Variants in ZEB1 observed in about 807,000 individuals in gnomAD.
ZEB1 encodes the protein zinc finger E-box-binding homeobox 1.
In ZEB1, 21 loss-of-function variants were observed where a neutral mutation model predicts 84.9. The ratio of observed to expected loss-of-function variants is 0.25; its 90% confidence interval spans 0.18 to 0.36. The LOEUF is 0.36. ZEB1 is among the 10% of genes least tolerant of loss of function. The pLI, the probability that ZEB1 is intolerant of heterozygous loss-of-function variation, is 1.00. For synonymous variants in ZEB1, 420 were observed against 471.1 expected, an observed-to-expected ratio of 0.89 and a Z score of 1.41; for missense variants, 1,104 against 1,330.2, an observed-to-expected ratio of 0.83 and a Z score of 2.65.
chr10:31,385,277 T>C (rs1009244404), intron 1 of ZEB1, among the ~76,000 whole-genome samples: 1 of 152,188 alleles, frequency 6.6e-6, no homozygotes, highest in Non-Finnish European at 1.5e-5. Flanking sequence ...CAAATGGTAT[T>C]TTATACTCTG....
At position 31,465,305 on chromosome 10, in the gene ZEB1, GT is replaced by G. The variant is rs1483056414; in HGVS notation, c.259+4069del. ...TAACACAGAATGTGGGAGGGGAGAG[GT>G]AAAAGTGTAGTTTTTATATGTGATG... is the stretch of plus-strand genomic sequence containing the variant. On this transcript the variant is annotated intron_variant, in intron 2 of 8. Transcript: ENST00000424869. Among the ~76,000 whole-genome samples, 6 of 151,852 alleles carry G rather than the reference GT, an allele frequency of 4.0e-5. No homozygotes were observed. The East Asian group carries it at 1.2e-3, about 29-fold the overall frequency.
At chr10:31,440,678 C>G (rs1269670677) in intron 1 of ZEB1, among the ~76,000 whole-genome samples, 1 of 152,186 alleles carries the variant, frequency 6.6e-6, no homozygotes, top group Non-Finnish European at 1.5e-5. Flanking sequence ...AGCCCAAAAT[C>G]TCCTTAAGCT....
chr10:31,365,442 T>C (rs2044270187), intron 1 of ZEB1, among the ~76,000 whole-genome samples: 1 of 152,228 alleles, frequency 6.6e-6, no homozygotes, highest in African/African-American at 2.4e-5. Flanking sequence ...TTCAAAGATA[T>C]TATTAAAAGG....
chr10:31,359,907 C>G (rs1350645486), intron 1 of ZEB1, among the ~76,000 whole-genome samples: 3 of 152,156 alleles, frequency 2.0e-5, no homozygotes, highest in Non-Finnish European at 2.9e-5. Flanking sequence ...GACACTGCCT[C>G]AGGGCTACTG....
chr10:31,323,957 G>C lies in ZEB1; in HGVS notation c.58+4665G>C, dbSNP rs552902366. 1.0e-3 allele frequency among the ~76,000 whole-genome samples: 143 copies of C among 137,506 alleles called. 2 individuals carry two copies. Among genetic ancestry groups the C allele is most frequent in the African/African-American group, 3.8e-3 (140 of 37,016 alleles). The allele number at this position is 137,506 out of a possible 152,430, so 90.2% of individuals were successfully genotyped here. A position where few individuals can be genotyped will look rare whatever the true frequency, so the allele number is the denominator to read the frequency against. On this transcript the variant is annotated intron_variant, in intron 1 of 8. Transcript: ENST00000424869. Reference sequence around the variant, plus strand: ...TTAATTTCTTATTTTAGGATGTCATGGTTCTTCGTGTGTGTGTGTGTGTGT... The same window carrying C: ...TTAATTTCTTATTTTAGGATGTCATCGTTCTTCGTGTGTGTGTGTGTGTGT...
At chr10:31,350,411 TA>T (rs1287658201) in intron 1 of ZEB1, among the ~76,000 whole-genome samples, 1 of 152,160 alleles carries the variant, frequency 6.6e-6, no homozygotes, top group African/African-American at 2.4e-5. Context: ...CAAAGTGATT[TA>T]ATCTCTATTA....
rs111892546 is a variant in ZEB1 at position 31,404,618 on chromosome 10, CCTATT to C, written c.59-56416_59-56412del. Among the ~76,000 whole-genome samples the C allele has an allele frequency of 6.5e-3, 994 of 152,232 alleles. 16 individuals carry two copies. Among genetic ancestry groups the C allele is most frequent in the African/African-American group, 0.022 (931 of 41,540 alleles). ...TCATCTTTGTATGCATTTTATATCT[CCTATT>C]CTTTTCTTGTAAAGATTAGGTTACA... is the stretch of plus-strand genomic sequence containing the variant. On this transcript the variant is annotated intron_variant, in intron 1 of 8. Transcript: ENST00000424869.
At chr10:31,508,637 G>A (rs2069405336) in intron 4 of ZEB1, among the ~76,000 whole-genome samples, 1 of 152,162 alleles carries the variant, frequency 6.6e-6, no homozygotes, top group Non-Finnish European at 1.5e-5. Context: ...GGGCCAGATG[G>A]ACCTGTCCTC....
chr10:31,490,110 T>C (rs1006524564), intron 2 of ZEB1, among the ~76,000 whole-genome samples: 1 of 151,458 alleles, frequency 6.6e-6, no homozygotes, highest in Non-Finnish European at 1.5e-5. Flanking sequence ...TTTTTAGTAT[T>C]TTTTTAAACT....
chr10:31,336,688 A>T (rs971527898), intron 1 of ZEB1, among the ~76,000 whole-genome samples: 3 of 152,194 alleles, frequency 2.0e-5, no homozygotes, highest in Admixed American at 2.0e-4. Flanking sequence ...GGCACTTCAC[A>T]AAAGAATAAA....
At chr10:31,348,925 C>T (rs1046628172) in intron 1 of ZEB1, among the ~76,000 whole-genome samples, 1 of 152,190 alleles carries the variant, frequency 6.6e-6, no homozygotes, top group Non-Finnish European at 1.5e-5. Context: ...ACCTCACATA[C>T]TTTTTGTTGT....
At chr10:31,429,846 C>T (rs1482120440) in intron 1 of ZEB1, among the ~76,000 whole-genome samples, 5 of 147,108 alleles carry the variant, frequency 3.4e-5, no homozygotes, top group African/African-American at 1.0e-4. Flanking sequence ...TGGGTTCAAG[C>T]GATTCTCCTG....
In ZEB1 at chr10:31,528,766, AT is replaced by A. The variant is rs1330991511; in HGVS notation, c.*1504del. 2.0e-5 allele frequency: 3 copies of A among 152,184 alleles called. No homozygotes were observed. The highest frequency in any genetic ancestry group is 4.8e-5 in the African/African-American group (2 of 41,440). 9.4% of individuals were successfully genotyped at this position (152,184 alleles called of 1,614,324 possible). A position where few individuals can be genotyped will look rare whatever the true frequency, so the allele number is the denominator to read the frequency against. On this transcript the variant is annotated 3_prime_UTR_variant, in exon 9 of 9. Transcript: ENST00000424869. Reference sequence around the variant, plus strand: ...TGATAAGATTTAAAGTAGAGATGCAATTGGTTCTCCTGCATTGAGATTTGAT... The same window carrying A: ...TGATAAGATTTAAAGTAGAGATGCAATGGTTCTCCTGCATTGAGATTTGAT...
chr10:31,444,938 C>A (rs1188580974), intron 1 of ZEB1, among the ~76,000 whole-genome samples: 1 of 151,974 alleles, frequency 6.6e-6, no homozygotes, highest in African/African-American at 2.4e-5. Context: ...TAGTTTTTTT[C>A]CAATTCTGTG....
At chr10:31,384,563 G>T (rs1341018929) in intron 1 of ZEB1, among the ~76,000 whole-genome samples, 5 of 152,192 alleles carry the variant, frequency 3.3e-5, no homozygotes, top group Non-Finnish European at 5.9e-5. Context: ...TACAGATTGC[G>T]TGAGAAACAT....
chr10:31,474,766 G>T (rs1038407364), intron 2 of ZEB1, among the ~76,000 whole-genome samples: 1 of 152,084 alleles, frequency 6.6e-6, no homozygotes, highest in Non-Finnish European at 1.5e-5. Context: ...GCACACGTAT[G>T]TTTATTGAGG....
intron 1 of ZEB1, among the ~76,000 whole-genome samples, chr10:31,437,449 C>T (rs1414539380): frequency 6.6e-6 from 1 of 152,130 alleles, no homozygotes; most frequent in Non-Finnish European, 1.5e-5. Flanking sequence ...CTCTAGTTAC[C>T]TATAAATTGT....
intron 3 of ZEB1, among the ~76,000 whole-genome samples, chr10:31,500,046 A>G (rs530076707): frequency 1.3e-5 from 2 of 152,194 alleles, no homozygotes; most frequent in South Asian, 2.1e-4. Flanking sequence ...CAGCTAGCAC[A>G]CTTATAATTT....
chr10:31,349,299 A>C (rs1037067335), intron 1 of ZEB1, among the ~76,000 whole-genome samples: 1 of 152,202 alleles, frequency 6.6e-6, no homozygotes, highest in African/African-American at 2.4e-5. Flanking sequence ...CGTATACTAC[A>C]TTCTCTCTAT....
Sources: allele counts gnomAD v4.1 joint callset (sites outside exome capture counted in the v4.1 genomes callset), GRCh38; gene constraint gnomAD v4.1.1; transcripts MANE v1.5; gene names NCBI Gene and HGNC (gene_info 2026-07-23, HGNC 2026-07-21).